Variants in MACF1 observed in about 807,000 individuals in gnomAD.
MACF1 encodes microtubule actin crosslinking factor 1, also known as microtubule-actin cross-linking factor 1.
A neutral mutation model predicts 854.8 loss-of-function variants in MACF1; 193 were observed. The ratio of observed to expected loss-of-function variants is 0.23; its 90% CI spans 0.20 to 0.25. The LOEUF (loss-of-function observed/expected upper bound fraction) is 0.25. Ranked by LOEUF, MACF1 falls within the 10% of genes least tolerant of loss-of-function variation. MACF1 has a pLI of 1.00. For missense variants in MACF1, 7,722 were observed against 8,929.1 expected (o/e 0.86, Z 5.45); for synonymous variants, 3,185 against 3,226.7 (o/e 0.99, Z 0.44).
chr1:39,157,902 TTTGCCATG>T (rs1431591103), intron 2 of MACF1, among the ~76,000 whole-genome samples: 4 of 152,140 alleles, frequency 2.6e-5, no homozygotes, highest in Non-Finnish European at 4.4e-5. Flanking sequence ...GAGACGGGGT[TTTGCCATG>T]TTGCTCAGGC....
At chr1:39,087,350 G>T (rs1449204095) in intron 2 of MACF1, among the ~76,000 whole-genome samples, 2 of 152,196 alleles carry the variant, frequency 1.3e-5, no homozygotes, top group African/African-American at 4.8e-5. Context: ...CTGGTCTTAG[G>T]GCCTCGCCCT....
In MACF1 at chr1:39,443,475, T is replaced by C; in HGVS notation, c.19332T>C (p.Asp6444=). 1 of 1,613,384 alleles carries C rather than the reference T, an allele frequency of 6.2e-7. No individual in the cohort carries two copies. The highest frequency in any genetic ancestry group is 8.5e-7 in the Non-Finnish European group (1 of 1,179,792). The change falls in exon 79 of 101, where the codon GAT becomes GAC. Residue 6444 remains aspartate, a synonymous_variant. Transcript: ENST00000564288. ...QAQGFHSEIE[D]FLLELTRMES... is the part of the protein sequence containing the mutation. ...AGGGCTTCCACAGTGAAATTGAAGATTTCCTCTTGGAACTTACTAGAATGG... is the reference window on the plus strand; with the variant it reads ...AGGGCTTCCACAGTGAAATTGAAGACTTCCTCTTGGAACTTACTAGAATGG...
intron 41 of MACF1, among the ~76,000 whole-genome samples, chr1:39,347,942 A>T (rs779208496): frequency 9.3e-4 from 141 of 152,204 alleles, no homozygotes; most frequent in Non-Finnish European, 1.6e-3. Context: ...ATTAATAGTA[A>T]CATCAAAACC....
chr1:39,219,516 C>T lies in MACF1; in HGVS notation c.110-11666C>T, dbSNP rs571228307. 8.5e-5 allele frequency among the ~76,000 whole-genome samples: 13 copies of T among 152,306 alleles called. No homozygotes were observed. The South Asian group carries it at 2.7e-3, about 32-fold the overall frequency. On this transcript the variant is annotated intron_variant, in intron 1 of 100. Transcript: ENST00000564288. ...AAATATCGAGCTCCACCTTATCTCC[C>T]AAAGTAGACTTTTGTAGCCTTCTGA...
At position 39,387,376 on chromosome 1, in the gene MACF1, A is replaced by T; in HGVS notation, c.14534A>T (p.Gln4845Leu). Residue 4845 changes from glutamine to leucine, a missense_variant, in exon 58 of 101, where the codon CAA (glutamine) becomes CTA (leucine). Gln to Leu is a moderately radical substitution (Grantham distance 113). Coordinates refer to ENST00000564288, the MANE Select transcript of MACF1 (RefSeq NM_001394062.1). ...ENEEFQKSLN[Q>L]HSGSYEVIVA... ...GAAGAGTTTCAGAAAAGTCTTAATC[A>T]ACACAGTGGCTCCTATGAGGTGATT... is the stretch of plus-strand genomic sequence containing the variant. The T allele has an allele frequency of 1.2e-6, 2 of 1,614,212 alleles. No individual in the cohort carries two copies. The highest frequency in any genetic ancestry group is 1.7e-6 in the Non-Finnish European group (2 of 1,180,042).
intron 50 of MACF1, among the ~76,000 whole-genome samples, chr1:39,369,003 T>G (rs1393515174): frequency 6.7e-6 from 1 of 150,132 alleles, no homozygotes; most frequent in Non-Finnish European, 1.5e-5. Flanking sequence ...CCCTGGCTTT[T>G]TTTTTTTTTT....
intron 2 of MACF1, chr1:39,103,168 T>C (rs1472960568): frequency 5.1e-6 from 2 of 391,116 alleles, no homozygotes; most frequent in Non-Finnish European, 4.9e-6. Context: ...ACCCCTTGCC[T>C]TCTCCCTGCA....
chr1:39,414,149 C>T, intron 58 of MACF1: 1 of 1,611,144 alleles, frequency 6.2e-7, no homozygotes, highest in Non-Finnish European at 8.5e-7. Context: ...GAGCCCGCCT[C>T]CCCAGCAGCA....
intron 1 of MACF1, among the ~76,000 whole-genome samples, chr1:39,207,740 C>T (rs1409472052): frequency 6.6e-6 from 1 of 152,136 alleles, no homozygotes; most frequent in Admixed American, 6.6e-5. Context: ...TTGTGTGAAT[C>T]AGTTCTTAAA....
chr1:39,457,362 T>C (rs1570150914), intron 89 of MACF1: 1 of 152,572 alleles, frequency 6.6e-6, no homozygotes. Flanking sequence ...GTTCCATCTT[T>C]CCTGCCCTGG....
At chr1:39,386,403 GA>G (rs903135404) in intron 57 of MACF1, among the ~76,000 whole-genome samples, 2 of 149,752 alleles carry the variant, frequency 1.3e-5, no homozygotes, top group Non-Finnish European at 3.0e-5. Context: ...TGGGACTATA[GA>G]CACACGCCAC....
At chr1:39,463,916 A>G in intron 94 of MACF1, 2 of 400,374 alleles carry the variant, frequency 5.0e-6, no homozygotes, top group East Asian at 8.8e-5. Context: ...GATAGGAGAT[A>G]TTTCAGAGCT....
Position 39,427,490 on chromosome 1 carries a change from A to G in MACF1, c.16352A>G (p.Lys5451Arg), listed in dbSNP as rs1206341336. Reference sequence around the variant, plus strand: ...CTGGAAGACATCCTGGTTCTGGCCAAACAGTTCCATGAGACAGCTGAGCCT... The same window carrying G: ...CTGGAAGACATCCTGGTTCTGGCCAGACAGTTCCATGAGACAGCTGAGCCT... ...KQLEDILVLAKQFHETAEPIS... is the reference protein window; with the variant it reads ...KQLEDILVLARQFHETAEPIS... Residue 5451 changes from lysine to arginine, a missense_variant, in exon 62 of 101, where the codon AAA becomes AGA. Physicochemically the swap from Lys to Arg is conservative, Grantham distance 26. Around this residue, in one of 15 missense-constraint regions of MACF1, gnomAD observed 2,807 missense variants for 3,235.8 expected, o/e 0.87. Transcript: ENST00000564288. The G allele has an allele frequency of 1.4e-5, 23 of 1,614,028 alleles. No individual in the cohort carries two copies. Among genetic ancestry groups the G allele is most frequent in the African/African-American group, 4.0e-5 (3 of 74,918 alleles).
At chr1:39,422,659 A>G in intron 59 of MACF1, 71 bp from the exon 60 acceptor site, 2 of 1,555,380 alleles carry the variant, frequency 1.3e-6, no homozygotes, top group Admixed American at 1.9e-5. Context: ...TATAATTACT[A>G]AAAGAGGTCA....
At chr1:39,320,301 A>G (rs74066741) in intron 31 of MACF1, among the ~76,000 whole-genome samples, 5,556 of 152,202 alleles carry the variant, frequency 0.037, 311 homozygotes, top group African/African-American at 0.13. Context: ...TGGCCCCCAC[A>G]GGCTATTTTC....
intron 6 of MACF1, among the ~76,000 whole-genome samples, chr1:39,276,749 C>A (rs972753714): frequency 6.6e-6 from 1 of 152,106 alleles, no homozygotes; most frequent in Non-Finnish European, 1.5e-5. Context: ...TTTCATGTGA[C>A]CTACCATAGA....
chr1:39,329,050 T>A (rs559275336), intron 36 of MACF1, among the ~76,000 whole-genome samples: 5 of 152,374 alleles, frequency 3.3e-5, no homozygotes, highest in Non-Finnish European at 5.9e-5. Context: ...TTAAGGTATC[T>A]TGAAATTTTT....
chr1:39,178,253 C>T (rs182000707), intron 2 of MACF1, among the ~76,000 whole-genome samples: 1 of 146,838 alleles, frequency 6.8e-6, no homozygotes, highest in Non-Finnish European at 1.5e-5. Context: ...AGGTTTGTTA[C>T]ATAGGTATAC....
rs752239001 is a variant in MACF1, at chr1:39,378,505, G to A, written c.13258G>A (p.Gly4420Arg). ...AGGAAGCTCTGTAGGCAGTGTAAAC[G>A]GATACCACACCTGCAAAGGTGAGAA... ...SVGSSVGSVN[G>R]YHTCKDLTEI... Residue 4420 changes from glycine to arginine, a missense_variant, in exon 53 of 101, where the codon GGA (glycine) becomes AGA (arginine). This residue lies in a region of MACF1 where 2,807 missense variants were observed against 3,235.8 expected (regional missense o/e 0.87). Transcript: ENST00000564288. The A allele has an allele frequency of 6.8e-6, 11 of 1,613,810 alleles. No homozygotes were observed. The African/African-American group carries it at 8.0e-5, about 12-fold the overall frequency.
Sources: allele counts gnomAD v4.1 joint callset (sites outside exome capture counted in the v4.1 genomes callset), GRCh38; gene constraint gnomAD v4.1.1; regional missense constraint gnomAD v4.1.1; transcripts MANE v1.5; gene names NCBI Gene and HGNC (gene_info 2026-07-23, HGNC 2026-07-21).